Variants in SDK1 observed in about 807,000 individuals in gnomAD.
SDK1 encodes protein sidekick-1.
Under a neutral mutation model 245.5 loss-of-function variants are expected in SDK1, and 157 were observed. That is an observed-to-expected ratio of 0.64 (90% CI 0.56 to 0.73). The LOEUF is 0.73. Ranked by LOEUF, SDK1 falls within the 30% of genes least tolerant of loss-of-function variation. SDK1 has a pLI of 0.00. For synonymous variants in SDK1, 1,647 were observed against 1,278.5 expected, an observed-to-expected ratio of 1.29 and a Z score of -6.15; for missense variants, 3,583 against 3,002.3, an observed-to-expected ratio of 1.19 and a Z score of -4.52.
At chr7:4,108,513 C>T (rs1783104367) in intron 22 of SDK1, among the ~76,000 whole-genome samples, 1 of 152,084 alleles carries the variant, frequency 6.6e-6, no homozygotes, top group South Asian at 2.1e-4. Context: ...CCCCCTTTGC[C>T]TCTGGCTGTG....
chr7:3,356,171 T>C (rs1780789048), intron 1 of SDK1, among the ~76,000 whole-genome samples: 1 of 152,206 alleles, frequency 6.6e-6, no homozygotes, highest in Non-Finnish European at 1.5e-5. Flanking sequence ...ACAGTTAATA[T>C]AAATATCTGT....
chr7:3,599,699 A>C (rs1781193443), intron 1 of SDK1, among the ~76,000 whole-genome samples: 1 of 152,138 alleles, frequency 6.6e-6, no homozygotes, highest in East Asian at 1.9e-4. Flanking sequence ...GCCTAGCATC[A>C]TTTGTTTAAA....
At chr7:4,090,647 T>A (rs1026702086) in intron 22 of SDK1, among the ~76,000 whole-genome samples, 1 of 152,204 alleles carries the variant, frequency 6.6e-6, no homozygotes, top group Non-Finnish European at 1.5e-5. Flanking sequence ...ACTCATCTTG[T>A]TCTTTCTCTC....
chr7:3,587,135 C>T (rs138228183), intron 1 of SDK1, among the ~76,000 whole-genome samples: 1 of 152,130 alleles, frequency 6.6e-6, no homozygotes, highest in African/African-American at 2.4e-5. Flanking sequence ...TGGCTAAGTC[C>T]TAACAGAACT....
At chr7:4,149,159 A>T (rs1045862981) in intron 29 of SDK1, 103 bp from the exon 30 acceptor site, 1 of 899,828 alleles carries the variant, frequency 1.1e-6, no homozygotes, top group African/African-American at 1.7e-5. Flanking sequence ...GGCAGCTCTC[A>T]TGGGCAAGCA....
At chr7:3,974,081 G>A (rs1244460625) in intron 12 of SDK1, among the ~76,000 whole-genome samples, 2 of 151,080 alleles carry the variant, frequency 1.3e-5, no homozygotes, top group African/African-American at 4.9e-5. Context: ...CTACTCAGGA[G>A]GCTGAGGCAC....
intron 1 of SDK1, among the ~76,000 whole-genome samples, chr7:3,436,801 G>T (rs555001693): frequency 5.3e-4 from 81 of 152,190 alleles, no homozygotes; most frequent in Non-Finnish European, 9.1e-4. Flanking sequence ...CTGTAGTCTA[G>T]AGTTGTGAAT....
intron 1 of SDK1, among the ~76,000 whole-genome samples, chr7:3,511,956 G>A (rs6962132): frequency 0.3 from 44,245 of 149,564 alleles, 6,941 homozygotes; most frequent in African/African-American, 0.37. Flanking sequence ...TGATGAGCCT[G>A]TATTGACACC....
At chr7:4,146,491 G>A (rs918567815) in intron 29 of SDK1, among the ~76,000 whole-genome samples, 2 of 151,874 alleles carry the variant, frequency 1.3e-5, no homozygotes, top group Admixed American at 6.6e-5. Context: ...TCAGACACCT[G>A]AGCATTGCAT....
At chr7:3,558,310 C>T (rs1779650347) in intron 1 of SDK1, among the ~76,000 whole-genome samples, 1 of 152,228 alleles carries the variant, frequency 6.6e-6, no homozygotes, top group African/African-American at 2.4e-5. Flanking sequence ...GAACCTAGGA[C>T]ACATTCTTTT....
chr7:3,542,460 C>G (rs1320409066), intron 1 of SDK1, among the ~76,000 whole-genome samples: 3 of 152,046 alleles, frequency 2.0e-5, no homozygotes, highest in African/African-American at 7.2e-5. Flanking sequence ...TTTCCTCTTT[C>G]AGAGAGAAGG....
intron 9 of SDK1, among the ~76,000 whole-genome samples, chr7:3,964,709 C>T (rs1781966212): frequency 6.6e-6 from 1 of 152,080 alleles, no homozygotes; most frequent in South Asian, 2.1e-4. Flanking sequence ...TTTGCCCTTT[C>T]GGGAGCAAAA....
intron 1 of SDK1, among the ~76,000 whole-genome samples, chr7:3,568,367 T>C (rs1321734667): frequency 6.6e-6 from 1 of 152,208 alleles, no homozygotes; most frequent in Non-Finnish European, 1.5e-5. Flanking sequence ...ACTGCTCTTT[T>C]TCCCTCTATT....
rs555098172 is a variant in SDK1 at position 4,129,172 on chromosome 7, G to C, written c.3940-736G>C. Among the ~76,000 whole-genome samples the C allele has an allele frequency of 2.1e-4, 30 of 143,200 alleles. No homozygotes were observed. In the South Asian group the frequency reaches 4.6e-3, roughly 22 times the overall value. The allele number at this position is 143,200 out of a possible 152,430, so 93.9% of individuals were successfully genotyped here. ...TTAGGGTTGGGTGCCCTGGAGGAGA[G>C]CACCTTGGGGTAGGGTGCCCTGGAA... On this transcript the variant is annotated intron_variant, in intron 26 of 44. Coordinates refer to ENST00000404826, the MANE Select transcript of SDK1 (RefSeq NM_152744.4).
chr7:3,414,840 T>G (rs772092611), intron 1 of SDK1, among the ~76,000 whole-genome samples: 2 of 152,212 alleles, frequency 1.3e-5, no homozygotes, highest in Non-Finnish European at 2.9e-5. Flanking sequence ...TTTTTTTTGG[T>G]GTGATTCTCT....
chr7:3,631,574 G>T (rs1349870213), intron 2 of SDK1, among the ~76,000 whole-genome samples: 2 of 152,160 alleles, frequency 1.3e-5, no homozygotes, highest in Non-Finnish European at 2.9e-5. Flanking sequence ...TATTAATGCG[G>T]TGTGACCTCA....
chr7:3,705,827 G>C (rs1163347378), intron 4 of SDK1, among the ~76,000 whole-genome samples: 1 of 151,942 alleles, frequency 6.6e-6, no homozygotes, highest in South Asian at 2.1e-4. Flanking sequence ...GGTCATCCTT[G>C]ACCTATTTCA....
chr7:3,686,764 C>G lies in SDK1; in HGVS notation c.713+44659C>G, dbSNP rs536464586. On this transcript the variant is annotated intron_variant, in intron 4 of 44. Coordinates refer to ENST00000404826, the MANE Select transcript of SDK1 (RefSeq NM_152744.4). ...GGGATCAGGTAATGGCAGGCAGGAGCTGCAGGGGACGAGGTCAGCTTATGT... is the reference window on the plus strand; with the variant it reads ...GGGATCAGGTAATGGCAGGCAGGAGGTGCAGGGGACGAGGTCAGCTTATGT... 4.6e-5 allele frequency among the ~76,000 whole-genome samples: 7 copies of G among 152,296 alleles called. No homozygotes were observed. The East Asian group carries it at 1.4e-3, about 29-fold the overall frequency.
At chr7:4,163,759 C>G (rs1034211506) in intron 32 of SDK1, among the ~76,000 whole-genome samples, 1 of 152,076 alleles carries the variant, frequency 6.6e-6, no homozygotes, top group Admixed American at 6.5e-5. Context: ...ACCCGGTGAG[C>G]AGAGCCAGGC....
Sources: allele counts gnomAD v4.1 joint callset (sites outside exome capture counted in the v4.1 genomes callset), GRCh38; gene constraint gnomAD v4.1.1; transcripts MANE v1.5; gene names NCBI Gene and HGNC (gene_info 2026-07-23, HGNC 2026-07-21).